The following SHISA9 variants were observed in gnomAD, a reference collection of about 807,000 sequenced individuals.
The protein encoded by SHISA9 is shisa family member 9, also known as protein shisa-9.
SHISA9 carries 13 observed loss-of-function variants against 38.0 expected under a neutral mutation model. That is an observed-to-expected ratio of 0.34 (90% confidence interval 0.22 to 0.54). SHISA9 has a LOEUF of 0.54. SHISA9 is among the 20% of genes least tolerant of loss of function. SHISA9 has a pLI of 0.91. For synonymous variants in SHISA9, 275 were observed against 242.0 expected (o/e 1.14, Z -1.27); for missense variants, 538 against 575.8 (o/e 0.93, Z 0.67).
At chr16:13,538,707 G>A in the SHISA9 span, among the ~76,000 whole-genome samples, 1 of 152,114 alleles carries the variant, frequency 6.6e-6, no homozygotes, top group Admixed American at 6.5e-5. Flanking sequence ...GCCCCACACT[G>A]TAGCATTTCA....
Position 13,187,968 on chromosome 16 carries a change from G to C in SHISA9, c.692-15426G>C, listed in dbSNP as rs988487873. Among the ~76,000 whole-genome samples the C allele has an allele frequency of 2.0e-5, 3 of 152,104 alleles. No individual in the cohort carries two copies. The East Asian group carries it at 5.8e-4, about 29-fold the overall frequency. On this transcript the variant is annotated intron_variant, in intron 2 of 4. Coordinates refer to ENST00000558583, the MANE Select transcript of SHISA9 (RefSeq NM_001145204.3). ...TAGAGATGTTCCCTCCTAGAGACTT[G>C]CTGTAGATCACGTTTCATCCTCCAA...
chr16:13,433,431 A>G, the SHISA9 span, among the ~76,000 whole-genome samples: 1 of 152,248 alleles, frequency 6.6e-6, no homozygotes, highest in Non-Finnish European at 1.5e-5. Context: ...TGTGTTAGTT[A>G]TAATTGCTAT....
chr16:13,276,900 C>G, the SHISA9 span, among the ~76,000 whole-genome samples: 3 of 152,032 alleles, frequency 2.0e-5, no homozygotes, highest in Non-Finnish European at 4.4e-5. Flanking sequence ...TTTTACCATG[C>G]AAAAGCTCTT....
At chr16:13,559,953 G>A in the SHISA9 span, among the ~76,000 whole-genome samples, 1 of 152,186 alleles carries the variant, frequency 6.6e-6, no homozygotes, top group African/African-American at 2.4e-5. Context: ...AAAAGTTAAT[G>A]GGGAATAAAG....
At chr16:13,518,725 C>A in the SHISA9 span, among the ~76,000 whole-genome samples, 878 of 152,264 alleles carry the variant, frequency 5.8e-3, 6 homozygotes, top group African/African-American at 0.02. Context: ...TGAAATAATA[C>A]TCTTAGTCCA....
intron 2 of SHISA9, among the ~76,000 whole-genome samples, chr16:13,119,874 G>A (rs2074068443): frequency 1.3e-5 from 2 of 152,214 alleles, no homozygotes; most frequent in Non-Finnish European, 2.9e-5. Context: ...GATTGCATGA[G>A]ATTTAAGCTG....
At chr16:12,930,813 G>A (rs2071452095) in intron 2 of SHISA9, among the ~76,000 whole-genome samples, 2 of 151,916 alleles carry the variant, frequency 1.3e-5, no homozygotes, top group African/African-American at 4.8e-5. Flanking sequence ...TTAAAAGAAA[G>A]TCTTAAAACA....
chr16:13,201,136 G>A lies in SHISA9; in HGVS notation c.692-2258G>A, dbSNP rs941851402. Among the ~76,000 whole-genome samples the A allele has an allele frequency of 4.4e-5, 6 of 135,148 alleles. 1 individual carries two copies. The highest frequency in any genetic ancestry group is 9.7e-5 in the Non-Finnish European group (6 of 62,048). 88.7% of individuals were successfully genotyped at this position (135,148 alleles called of 152,430 possible). On this transcript the variant is annotated intron_variant, in intron 2 of 4. Coordinates refer to ENST00000558583, the MANE Select transcript of SHISA9 (RefSeq NM_001145204.3). ...GGGGTTGTCAAACTATAGCCCTTGG[G>A]TCAAACTTGGTACCACCTGTTTTTG...
chr16:13,002,005 A>T (rs2072531943), intron 2 of SHISA9, among the ~76,000 whole-genome samples: 1 of 152,242 alleles, frequency 6.6e-6, no homozygotes, highest in Non-Finnish European at 1.5e-5. Flanking sequence ...TAAAAATGTT[A>T]GAAAAAATAA....
the SHISA9 span, among the ~76,000 whole-genome samples, chr16:13,536,008 T>C: frequency 0.29 from 43,487 of 151,642 alleles, 6,645 homozygotes; most frequent in East Asian, 0.43. Context: ...TTTCTTTTTT[T>C]TTTTTTTTGA....
intron 2 of SHISA9, among the ~76,000 whole-genome samples, chr16:13,019,768 C>CT (rs1479018871): frequency 9.8e-4 from 31 of 31,628 alleles, no homozygotes; most frequent in African/African-American, 4.2e-3. Context: ...TCTTTCTTTT[C>CT]TTTCTTTCTT....
At chr16:13,355,056 T>C in the SHISA9 span, among the ~76,000 whole-genome samples, 480 of 148,850 alleles carry the variant, frequency 3.2e-3, 3 homozygotes, top group African/African-American at 0.011. Flanking sequence ...GTTTGAGATC[T>C]AGAACAGAAT....
the SHISA9 span, among the ~76,000 whole-genome samples, chr16:13,517,991 G>A: frequency 3.3e-5 from 5 of 152,114 alleles, no homozygotes; most frequent in Non-Finnish European, 7.4e-5. Flanking sequence ...GCCCCTTATT[G>A]CCGGGTTGCT....
intron 4 of SHISA9, among the ~76,000 whole-genome samples, chr16:13,234,580 C>T (rs2051362237): frequency 6.6e-6 from 1 of 152,114 alleles, no homozygotes; most frequent in African/African-American, 2.4e-5. Flanking sequence ...ATTAAAAATA[C>T]CAGAAGAAAA....
At chr16:12,932,808 T>C (rs1479596265) in intron 2 of SHISA9, among the ~76,000 whole-genome samples, 1 of 152,228 alleles carries the variant, frequency 6.6e-6, no homozygotes, top group Non-Finnish European at 1.5e-5. Flanking sequence ...TGACATGTCG[T>C]GGCTCCCTGC....
At chr16:13,482,228 G>T in the SHISA9 span, among the ~76,000 whole-genome samples, 1 of 152,246 alleles carries the variant, frequency 6.6e-6, no homozygotes, top group South Asian at 2.1e-4. Context: ...CTGTTTCCCT[G>T]CCAAGTCACC....
chr16:13,212,384 TG>T (rs1340807768), intron 3 of SHISA9, among the ~76,000 whole-genome samples: 2 of 152,154 alleles, frequency 1.3e-5, no homozygotes, highest in Non-Finnish European at 2.9e-5. Context: ...GGGGTTGGGT[TG>T]GGTATAGCCT....
intron 4 of SHISA9, among the ~76,000 whole-genome samples, chr16:13,214,558 G>A (rs965440680): frequency 2.0e-5 from 3 of 152,088 alleles, no homozygotes; most frequent in Admixed American, 2.0e-4. Context: ...ACATTGCCAG[G>A]ATATCAGCAA....
chr16:13,175,070 A>C (rs560203462), intron 2 of SHISA9, among the ~76,000 whole-genome samples: 34 of 152,194 alleles, frequency 2.2e-4, no homozygotes, highest in African/African-American at 7.0e-4. Context: ...CCGTCTTTTA[A>C]AAAAGGTCTG....
Sources: allele counts gnomAD v4.1 joint callset (sites outside exome capture counted in the v4.1 genomes callset), GRCh38; gene constraint gnomAD v4.1.1; transcripts MANE v1.5; gene names NCBI Gene and HGNC (gene_info 2026-07-23, HGNC 2026-07-21).